STXBP5L: variants seen among roughly 807,000 people sequenced by gnomAD.
STXBP5L encodes syntaxin binding protein 5L.
Under a neutral mutation model 144.5 loss-of-function variants are expected in STXBP5L, and 65 were observed. The observed-to-expected ratio is 0.45, with a 90% CI of 0.37 to 0.55. The LOEUF (loss-of-function observed/expected upper bound fraction) is 0.55, where lower values mean the gene tolerates loss of function less well. Ranked by LOEUF, STXBP5L falls within the 20% of genes least tolerant of loss-of-function variation. The pLI, the probability that STXBP5L is intolerant of heterozygous loss-of-function variation, is 0.00. For missense variants in STXBP5L, 1,298 were observed against 1,405.5 expected (o/e 0.92, Z 1.22); for synonymous variants, 505 against 469.6 (o/e 1.08, Z -0.97).
At chr3:121,245,048 AAG>A (rs2049800822) in intron 14 of STXBP5L, among the ~76,000 whole-genome samples, 1 of 152,182 alleles carries the variant, frequency 6.6e-6, no homozygotes, top group Admixed American at 6.6e-5. Context: ...TAAGATTTTA[AAG>A]ATGGTGGATA....
chr3:121,121,535 T>A (rs900812201), intron 6 of STXBP5L, 106 bp from the exon 7 acceptor site: 1 of 757,416 alleles, frequency 1.3e-6, no homozygotes, highest in African/African-American at 1.8e-5. Context: ...AACCCTAGAA[T>A]GGTGGGATTT....
In STXBP5L at chr3:121,318,338, A is replaced by G. The variant is rs1442717425; in HGVS notation, c.2111-137A>G. ...AATAAAAATATTTTTAAAATTCAGA[A>G]TAATTGACGTAACTTGGACATGATA... On this transcript the variant is annotated intron_variant, in intron 19 of 26. Transcript: ENST00000471454. 2.5e-5 allele frequency: 11 copies of G among 447,472 alleles called. No individual in the cohort carries two copies. In the East Asian group the frequency reaches 3.3e-4, roughly 13 times the overall value. The allele number at this position is 447,472 out of a possible 1,614,324, so 27.7% of individuals were successfully genotyped here.
At chr3:121,192,370 C>T (rs188830386) in intron 9 of STXBP5L, among the ~76,000 whole-genome samples, 176 of 152,262 alleles carry the variant, frequency 1.2e-3, no homozygotes, top group African/African-American at 4.1e-3. Flanking sequence ...TAGGAAGAAT[C>T]AATATCATCA....
chr3:121,074,533 G>A (rs541338019), intron 5 of STXBP5L, among the ~76,000 whole-genome samples: 9 of 152,248 alleles, frequency 5.9e-5, no homozygotes, highest in African/African-American at 1.4e-4. Flanking sequence ...TAAGTGCCCC[G>A]CAGCAGTTCC....
At chr3:121,128,709 A>C (rs943554800) in intron 7 of STXBP5L, among the ~76,000 whole-genome samples, 3 of 152,208 alleles carry the variant, frequency 2.0e-5, no homozygotes, top group Admixed American at 2.0e-4. Context: ...CATGATGTTT[A>C]TAGGAGCAAA....
At chr3:121,106,379 G>C (rs1248778048) in intron 5 of STXBP5L, among the ~76,000 whole-genome samples, 1 of 152,040 alleles carries the variant, frequency 6.6e-6, no homozygotes, top group Non-Finnish European at 1.5e-5. Context: ...ACATGCATTA[G>C]CTATTTATTA....
At chr3:121,383,981 T>A (rs2108686924) in intron 22 of STXBP5L, among the ~76,000 whole-genome samples, 1 of 152,284 alleles carries the variant, frequency 6.6e-6, no homozygotes, top group South Asian at 2.1e-4. Flanking sequence ...CTCTCTGACC[T>A]TGAATGCATC....
intron 3 of STXBP5L, among the ~76,000 whole-genome samples, chr3:120,957,361 C>G (rs11715330): frequency 2.9e-3 from 446 of 152,010 alleles, no homozygotes; most frequent in Non-Finnish European, 5.1e-3. Flanking sequence ...ATATGCTGAA[C>G]CATTCATGAA....
intron 5 of STXBP5L, among the ~76,000 whole-genome samples, chr3:121,051,401 G>A (rs978786281): frequency 2.2e-4 from 33 of 152,254 alleles, no homozygotes; most frequent in Middle Eastern, 6.8e-3. Flanking sequence ...AGACAACAGT[G>A]CAATCAAACT....
At chr3:121,006,651 G>T (rs1182081321) in intron 3 of STXBP5L, among the ~76,000 whole-genome samples, 1 of 152,118 alleles carries the variant, frequency 6.6e-6, no homozygotes, top group East Asian at 1.9e-4. Flanking sequence ...AGTATCAATG[G>T]TCTTTACAAT....
chr3:121,107,313 T>C (rs1018856285), intron 5 of STXBP5L, among the ~76,000 whole-genome samples: 11 of 152,204 alleles, frequency 7.2e-5, no homozygotes, highest in African/African-American at 2.4e-4. Flanking sequence ...TGAATGGTAT[T>C]GCCTAGATTT....
chr3:121,227,066 T>C (rs1233824916), intron 11 of STXBP5L, among the ~76,000 whole-genome samples: 1 of 152,138 alleles, frequency 6.6e-6, no homozygotes, highest in Non-Finnish European at 1.5e-5. Flanking sequence ...ATTTAACTTA[T>C]ATAAATAAAA....
chr3:121,412,530 T>C (rs1273115556), intron 23 of STXBP5L, among the ~76,000 whole-genome samples: 4 of 151,966 alleles, frequency 2.6e-5, no homozygotes, highest in Admixed American at 2.6e-4. Context: ...AGTGACTTAG[T>C]CTTAGAGCAA....
chr3:121,374,281 C>A (rs1445742417), intron 20 of STXBP5L, among the ~76,000 whole-genome samples: 6 of 152,170 alleles, frequency 3.9e-5, no homozygotes, highest in Non-Finnish European at 8.8e-5. Flanking sequence ...ACCCAACTTA[C>A]ATTATAGATA....
chr3:121,003,735 T>A (rs1159918402), intron 3 of STXBP5L, among the ~76,000 whole-genome samples: 1 of 152,118 alleles, frequency 6.6e-6, no homozygotes, highest in Non-Finnish European at 1.5e-5. Flanking sequence ...TTGTATAAGG[T>A]GTAAGGAAGG....
rs975469469 is a variant in STXBP5L at position 120,952,659 on chromosome 3, G to A, written c.190-2281G>A. The stretch of plus-strand genomic sequence containing the variant: ...TTTGAAGCAGTGACTTCAACTCACC[G>A]TTTCTATAGTTCTGACAACAATTAA... On this transcript the variant is annotated intron_variant, in intron 2 of 26. Transcript: ENST00000471454. Among the ~76,000 whole-genome samples the A allele has an allele frequency of 7.9e-5, 12 of 151,966 alleles. No homozygotes were observed. The East Asian group carries it at 1.5e-3, about 20-fold the overall frequency.
intron 3 of STXBP5L, among the ~76,000 whole-genome samples, chr3:121,025,798 G>A (rs1468055367): frequency 6.7e-6 from 1 of 150,066 alleles, no homozygotes; most frequent in Admixed American, 6.7e-5. Context: ...CAGCCTTACT[G>A]CCTCTGTTTT....
chr3:120,968,718 C>T (rs540261964), intron 3 of STXBP5L, among the ~76,000 whole-genome samples: 5 of 152,224 alleles, frequency 3.3e-5, no homozygotes, highest in Admixed American at 6.5e-5. Context: ...ATCCCTCCCC[C>T]GTTCTGAGTA....
chr3:121,189,702 C>A (rs368873664), intron 9 of STXBP5L, among the ~76,000 whole-genome samples: 5 of 152,072 alleles, frequency 3.3e-5, no homozygotes, highest in East Asian at 1.9e-4. Context: ...CTTGACAATG[C>A]GGGCTTTTTT....
Sources: allele counts gnomAD v4.1 joint callset (sites outside exome capture counted in the v4.1 genomes callset), GRCh38; gene constraint gnomAD v4.1.1; transcripts MANE v1.5; gene names NCBI Gene and HGNC (gene_info 2026-07-23, HGNC 2026-07-21).